The following C12orf42 variants were observed in gnomAD, a reference collection of about 807,000 sequenced individuals.
C12orf42 encodes the protein uncharacterized protein C12orf42.
Under a neutral mutation model 21.6 loss-of-function variants are expected in C12orf42, and 25 were observed. That is an observed-to-expected ratio of 1.16 (90% CI 0.84 to 1.62). The LOEUF (loss-of-function observed/expected upper bound fraction) is 1.62, where lower values mean the gene tolerates loss of function less well. Ranked by LOEUF, C12orf42 falls within the 40% of genes most tolerant of loss-of-function variation. C12orf42 has a pLI of 0.00. For missense variants in C12orf42, 483 were observed against 459.3 expected, an observed-to-expected ratio of 1.05 and a Z score of -0.47; for synonymous variants, 174 against 175.0, an observed-to-expected ratio of 0.99 and a Z score of 0.05.
At chr12:103,302,724 A>C (rs1031521363) in intron 5 of C12orf42, among the ~76,000 whole-genome samples, 165 bp from the exon 6 acceptor site, 4 of 150,976 alleles carry the variant, frequency 2.6e-5, no homozygotes, top group Non-Finnish European at 4.4e-5. Flanking sequence ...CTGCCTCCCC[A>C]TATTTCTCTA....
intron 2 of C12orf42, chr12:103,431,385 C>T (rs765024408): frequency 6.6e-6 from 1 of 152,180 alleles, no homozygotes; most frequent in Non-Finnish European, 1.5e-5. Flanking sequence ...GAATAGCTAA[C>T]CTTTTATAAA....
At chr12:103,184,281 C>T in the C12orf42 span, among the ~76,000 whole-genome samples, 3 of 152,164 alleles carry the variant, frequency 2.0e-5, no homozygotes, top group African/African-American at 7.2e-5. Context: ...GATGGACTAA[C>T]CTTTATATCA....
chr12:103,454,099 C>T (rs1952131534), intron 2 of C12orf42, among the ~76,000 whole-genome samples: 2 of 152,234 alleles, frequency 1.3e-5, no homozygotes, highest in Admixed American at 6.5e-5. Flanking sequence ...ATATGCTTTG[C>T]TTCTTTTTAG....
At chr12:103,058,947 G>A in the C12orf42 span, among the ~76,000 whole-genome samples, 1 of 152,040 alleles carries the variant, frequency 6.6e-6, no homozygotes, top group South Asian at 2.1e-4. Flanking sequence ...AAACTCAAAA[G>A]CTAGCAGAAG....
chr12:103,412,899 AT>A (rs1225156922), intron 2 of C12orf42, among the ~76,000 whole-genome samples: 6 of 151,986 alleles, frequency 3.9e-5, no homozygotes, highest in Admixed American at 3.9e-4. Context: ...ATCTTCTCCC[AT>A]TTTGTAGGTT....
chr12:103,154,167 T>A, the C12orf42 span, among the ~76,000 whole-genome samples: 1 of 152,146 alleles, frequency 6.6e-6, no homozygotes, highest in African/African-American at 2.4e-5. Flanking sequence ...GTGGCTACTC[T>A]TGTAGAAGGC....
At chr12:103,366,321 G>T (rs1162120572) in intron 4 of C12orf42, among the ~76,000 whole-genome samples, 2 of 152,042 alleles carry the variant, frequency 1.3e-5, no homozygotes, top group Non-Finnish European at 2.9e-5. Context: ...ACCCAAGATG[G>T]ATCAAGGAGT....
intron 3 of C12orf42, among the ~76,000 whole-genome samples, chr12:103,382,578 A>G (rs1194515965): frequency 1.3e-5 from 2 of 152,230 alleles, no homozygotes; most frequent in African/African-American, 4.8e-5. Flanking sequence ...GTACATCTCC[A>G]TGGCACTGAG....
chr12:103,333,092 G>C (rs535536171), intron 4 of C12orf42, among the ~76,000 whole-genome samples: 3 of 152,094 alleles, frequency 2.0e-5, no homozygotes, highest in Non-Finnish European at 1.5e-5. Context: ...ATGGACATTC[G>C]CCTAATAACA....
intron 4 of C12orf42, among the ~76,000 whole-genome samples, chr12:103,329,355 G>A (rs2137020008): frequency 6.6e-6 from 1 of 152,210 alleles, no homozygotes; most frequent in East Asian, 1.9e-4. Flanking sequence ...ACAGGGAGGG[G>A]AACATCACAC....
At chr12:103,074,042 C>T in the C12orf42 span, among the ~76,000 whole-genome samples, 3 of 152,066 alleles carry the variant, frequency 2.0e-5, no homozygotes, top group East Asian at 5.8e-4. Context: ...CAGAAGCTTC[C>T]CAAAGCCTCA....
the C12orf42 span, among the ~76,000 whole-genome samples, chr12:103,063,440 G>A: frequency 6.6e-6 from 1 of 152,176 alleles, no homozygotes; most frequent in Non-Finnish European, 1.5e-5. Context: ...GGACATGTGG[G>A]AGGACCCTGA....
chr12:103,520,229 A>C, the C12orf42 span, among the ~76,000 whole-genome samples: 3 of 152,128 alleles, frequency 2.0e-5, no homozygotes, highest in African/African-American at 7.2e-5. Flanking sequence ...AGGCGAGGAC[A>C]TTAGGAGAGA....
the C12orf42 span, among the ~76,000 whole-genome samples, chr12:103,143,923 A>C: frequency 1.3e-5 from 2 of 152,142 alleles, no homozygotes; most frequent in Admixed American, 6.5e-5. Context: ...GGGGATAATA[A>C]TACTATACTA....
At chr12:103,554,795 G>T in the C12orf42 span, among the ~76,000 whole-genome samples, 1 of 152,102 alleles carries the variant, frequency 6.6e-6, no homozygotes, top group Non-Finnish European at 1.5e-5. Context: ...AGCACTAGGG[G>T]GATGCTACTA....
At position 103,386,090 on chromosome 12, in the gene C12orf42, A is replaced by G. The variant is rs543516313; in HGVS notation, c.147+15517T>C. Among the ~76,000 whole-genome samples, 4 of 152,332 alleles carry G rather than the reference A, an allele frequency of 2.6e-5. No homozygotes were observed. In the East Asian group the frequency reaches 5.8e-4, roughly 22 times the overall value. ...ACAACAACCGTATTAGGTTGGTGTTATTATTACCACATATGCAGATGAGAA... is the reference window on the plus strand; with the variant it reads ...ACAACAACCGTATTAGGTTGGTGTTGTTATTACCACATATGCAGATGAGAA... On this transcript the variant is annotated intron_variant, in intron 3 of 5. Transcript: ENST00000548883.
the C12orf42 span, among the ~76,000 whole-genome samples, chr12:103,140,511 G>C: frequency 1.3e-5 from 2 of 152,158 alleles, no homozygotes; most frequent in Admixed American, 6.5e-5. Context: ...CCTGAGCCAA[G>C]CTGGCCAACA....
At chr12:103,366,002 A>G (rs1443272008) in intron 4 of C12orf42, among the ~76,000 whole-genome samples, 1 of 151,552 alleles carries the variant, frequency 6.6e-6, no homozygotes, top group Non-Finnish European at 1.5e-5. Context: ...GCCTGCATAG[A>G]TAAAGCAAGA....
At chr12:103,508,013 C>G in the C12orf42 span, among the ~76,000 whole-genome samples, 1 of 152,144 alleles carries the variant, frequency 6.6e-6, no homozygotes. Flanking sequence ...GGGCCCTCAG[C>G]CTGGCTCTCT....
Sources: allele counts gnomAD v4.1 joint callset (sites outside exome capture counted in the v4.1 genomes callset), GRCh38; gene constraint gnomAD v4.1.1; transcripts MANE v1.5; gene names NCBI Gene and HGNC (gene_info 2026-07-23, HGNC 2026-07-21).